Variants in DOCK5 observed in about 807,000 individuals in gnomAD.
DOCK5 encodes the protein dedicator of cytokinesis protein 5.
In DOCK5, 142 loss-of-function variants were observed where a neutral mutation model predicts 251.8. The ratio of observed to expected loss-of-function variants is 0.56; its 90% CI spans 0.49 to 0.65. The LOEUF (loss-of-function observed/expected upper bound fraction) is 0.65, where lower values mean the gene tolerates loss of function less well. Ranked by LOEUF, DOCK5 falls within the 30% of genes least tolerant of loss-of-function variation. DOCK5 has a pLI of 0.00. For synonymous variants in DOCK5, 842 were observed against 835.5 expected, an observed-to-expected ratio of 1.01 and a Z score of -0.13; for missense variants, 2,111 against 2,312.3, an observed-to-expected ratio of 0.91 and a Z score of 1.79.
At chr8:25,219,638 T>C (rs1173340575) in intron 1 of DOCK5, among the ~76,000 whole-genome samples, 1 of 152,134 alleles carries the variant, frequency 6.6e-6, no homozygotes, top group Admixed American at 6.5e-5. Context: ...AGTTTGCACA[T>C]AGAACTTGAA....
chr8:25,388,969 G>C, intron 40 of DOCK5, 122 bp from the exon 41 acceptor site: 1 of 891,960 alleles, frequency 1.1e-6, no homozygotes, highest in Non-Finnish European at 1.7e-6. Flanking sequence ...TTTTCAGTGA[G>C]AACTTGATGG....
chr8:25,301,678 C>T (rs1455532785), intron 9 of DOCK5, among the ~76,000 whole-genome samples: 2 of 144,706 alleles, frequency 1.4e-5, no homozygotes, highest in Non-Finnish European at 3.0e-5. Context: ...CAAGGCCAGC[C>T]TGGATAACAT....
intron 2 of DOCK5, among the ~76,000 whole-genome samples, chr8:25,266,316 C>A (rs1277320929): frequency 1.3e-5 from 2 of 151,516 alleles, no homozygotes; most frequent in African/African-American, 4.9e-5. Flanking sequence ...CCTGGGTTCA[C>A]CCCATTCTCC....
chr8:25,408,720 C>G, intron 49 of DOCK5, 82 bp from the exon 50 acceptor site: 1 of 1,525,106 alleles, frequency 6.6e-7, no homozygotes, highest in African/African-American at 1.4e-5. Flanking sequence ...AGTGTCTTCT[C>G]AGAAGACAAG....
At chr8:25,231,211 G>A (rs1433990134) in intron 1 of DOCK5, among the ~76,000 whole-genome samples, 1 of 152,036 alleles carries the variant, frequency 6.6e-6, no homozygotes, top group South Asian at 2.1e-4. Flanking sequence ...CATTCTGTTA[G>A]TGTCATGCAT....
intron 1 of DOCK5, among the ~76,000 whole-genome samples, chr8:25,239,319 ATGTGTGTGTGTGTGTGTGTGTATGTGTG>A (rs1390556381): frequency 7.6e-6 from 1 of 130,980 alleles, no homozygotes; most frequent in Non-Finnish European, 1.6e-5. Context: ...GTGCGTGTAT[ATGTGTGTGTGTGTGTGTGTGTATGTGTG>A]TGTGTGTGTG....
intron 1 of DOCK5, among the ~76,000 whole-genome samples, chr8:25,240,277 T>TAA (rs11314754): frequency 5.2e-5 from 7 of 134,502 alleles, no homozygotes; most frequent in Non-Finnish European, 4.9e-5. Flanking sequence ...TAAATCTACT[T>TAA]AAAAAAAAAA....
chr8:25,319,019 C>G (rs986044384), intron 14 of DOCK5, among the ~76,000 whole-genome samples: 10 of 152,124 alleles, frequency 6.6e-5, no homozygotes, highest in Admixed American at 3.3e-4. Context: ...CACATGAGCT[C>G]ATTTCACGTA....
rs1586366762 is a variant in DOCK5 at position 25,366,746 on chromosome 8, G to A, written c.3124-124G>A. On this transcript the variant is annotated intron_variant, in intron 30 of 51. Coordinates refer to ENST00000276440, the MANE Select transcript of DOCK5 (RefSeq NM_024940.8). ...ATAATCAAAACCTAAGAAGAATGTA[G>A]ATTGTATTTTGTTCTTTCATTAATC... 4.6e-6 allele frequency: 3 copies of A among 647,304 alleles called. No individual in the cohort carries two copies. In the East Asian group the frequency reaches 8.7e-5, roughly 19 times the overall value. 40.1% of individuals were successfully genotyped at this position (647,304 alleles called of 1,614,324 possible).
Position 25,372,516 on chromosome 8 carries a change from T to C in DOCK5, c.3525-43T>C, listed in dbSNP as rs377501628. The stretch of plus-strand genomic sequence containing the variant: ...GTGCTGGTCAGTGCTGCTGGAATGA[T>C]AGCATGGAACCTGGGCTTTTGTCTC... On this transcript the variant is annotated intron_variant, in intron 34 of 51. Coordinates refer to ENST00000276440, the MANE Select transcript of DOCK5 (RefSeq NM_024940.8). 1.9e-5 allele frequency: 29 copies of C among 1,534,050 alleles called. No individual in the cohort carries two copies. The African/African-American group carries it at 3.2e-4, about 17-fold the overall frequency.
At chr8:25,227,236 C>T (rs1802554571) in intron 1 of DOCK5, among the ~76,000 whole-genome samples, 1 of 152,176 alleles carries the variant, frequency 6.6e-6, no homozygotes, top group Non-Finnish European at 1.5e-5. Flanking sequence ...CCCATGAGGG[C>T]CAGGTACTGT....
chr8:25,332,146 C>T lies in DOCK5; in HGVS notation c.1904-105C>T, dbSNP rs1203365460. ...GAATATATAAGGCATCTTGAATTAG[C>T]CACTATTGAGAGCAATTACCTGTTC... On this transcript the variant is annotated intron_variant, in intron 18 of 51. Coordinates refer to ENST00000276440, the MANE Select transcript of DOCK5 (RefSeq NM_024940.8). 2.4e-5 allele frequency: 17 copies of T among 704,538 alleles called. No individual in the cohort carries two copies. In the East Asian group the frequency reaches 4.1e-4, roughly 17 times the overall value. The allele number at this position is 704,538 out of a possible 1,614,324, so 43.6% of individuals were successfully genotyped here.
chr8:25,353,606 T>C (rs1171950108), intron 27 of DOCK5, among the ~76,000 whole-genome samples: 2 of 152,138 alleles, frequency 1.3e-5, no homozygotes, highest in East Asian at 3.8e-4. Flanking sequence ...GAATAAAACC[T>C]AAAATCTATC....
chr8:25,192,964 G>A (rs537470307), intron 1 of DOCK5, among the ~76,000 whole-genome samples: 11 of 152,084 alleles, frequency 7.2e-5, no homozygotes, highest in East Asian at 5.8e-4. Flanking sequence ...AAATAAAAGC[G>A]GTGTATTAGA....
intron 1 of DOCK5, among the ~76,000 whole-genome samples, chr8:25,190,047 C>T (rs577125268): frequency 1.6e-4 from 25 of 152,250 alleles, no homozygotes; most frequent in Admixed American, 2.0e-4. Context: ...CCACCACGCC[C>T]GGCCAGTTTT....
chr8:25,327,582 C>T (rs1465003554), intron 18 of DOCK5, among the ~76,000 whole-genome samples: 1 of 152,174 alleles, frequency 6.6e-6, no homozygotes, highest in African/African-American at 2.4e-5. Context: ...TGTAGGGTTT[C>T]CTGACAACCC....
intron 1 of DOCK5, among the ~76,000 whole-genome samples, chr8:25,238,223 C>T (rs1177457030): frequency 6.6e-6 from 1 of 152,188 alleles, no homozygotes; most frequent in East Asian, 1.9e-4. Context: ...ATCTTCACCA[C>T]TATGGACTGG....
intron 48 of DOCK5, 96 bp from the exon 49 acceptor site, chr8:25,407,884 AAAT>A: frequency 2.2e-5 from 23 of 1,039,066 alleles, no homozygotes; most frequent in East Asian, 9.2e-5. Flanking sequence ...AAAAAAAAAA[AAAT>A]AGCCTAAAGA....
At chr8:25,346,593 A>G (rs966210825) in intron 26 of DOCK5, among the ~76,000 whole-genome samples, 1 of 97,768 alleles carries the variant, frequency 1.0e-5, no homozygotes, top group Non-Finnish European at 2.1e-5. Flanking sequence ...TGGGAGGCCG[A>G]GGTGGATGGA....
Sources: allele counts gnomAD v4.1 joint callset (sites outside exome capture counted in the v4.1 genomes callset), GRCh38; gene constraint gnomAD v4.1.1; transcripts MANE v1.5; gene names NCBI Gene and HGNC (gene_info 2026-07-23, HGNC 2026-07-21).